Variants in PLPP4 observed in about 807,000 individuals in gnomAD.
The protein encoded by PLPP4 is phospholipid phosphatase 4.
In PLPP4, 20 loss-of-function variants were observed where a neutral mutation model predicts 32.2. That is an observed-to-expected ratio of 0.62 (90% CI 0.44 to 0.90). The LOEUF (loss-of-function observed/expected upper bound fraction) is 0.90. Ranked by LOEUF, PLPP4 falls within the 40% of genes least tolerant of loss-of-function variation. PLPP4 has a pLI of 0.00. For synonymous variants in PLPP4, 127 were observed against 133.0 expected (o/e 0.95, Z 0.31); for missense variants, 257 against 353.1 (o/e 0.73, Z 2.18).
chr10:120,546,962 A>T (rs375120471), intron 5 of PLPP4, among the ~76,000 whole-genome samples: 1 of 152,342 alleles, frequency 6.6e-6, no homozygotes, highest in East Asian at 1.9e-4. Flanking sequence ...ATGTGTATTG[A>T]TTCACAGGTG....
At chr10:120,480,487 T>C (rs4237520) in intron 1 of PLPP4, among the ~76,000 whole-genome samples, 113,440 of 152,022 alleles carry the variant, frequency 0.75, 43,235 homozygotes, top group East Asian at 0.92. Context: ...GCTAATATAT[T>C]GAATAATAGA....
chr10:120,566,393 T>G (rs143352386), intron 5 of PLPP4, among the ~76,000 whole-genome samples: 1 of 152,318 alleles, frequency 6.6e-6, no homozygotes, highest in African/African-American at 2.4e-5. Flanking sequence ...TAAGGTTTTT[T>G]GGAGACCATA....
intron 1 of PLPP4, among the ~76,000 whole-genome samples, chr10:120,457,969 C>A (rs995665066): frequency 3.3e-5 from 5 of 152,246 alleles, no homozygotes; most frequent in African/African-American, 1.2e-4. Flanking sequence ...GGTCGATGTC[C>A]GCTTTGGGGG....
chr10:120,493,186 T>G (rs901342604), intron 1 of PLPP4, among the ~76,000 whole-genome samples: 2 of 152,252 alleles, frequency 1.3e-5, no homozygotes, highest in Non-Finnish European at 2.9e-5. Context: ...ATATGTTTCA[T>G]TTTTGATTGT....
At chr10:120,498,362 A>G (rs1182849008) in intron 1 of PLPP4, among the ~76,000 whole-genome samples, 1 of 152,206 alleles carries the variant, frequency 6.6e-6, no homozygotes, top group East Asian at 1.9e-4. Flanking sequence ...GAGTTTATTG[A>G]TAACAATGAA....
At chr10:120,481,183 C>T (rs978289053) in intron 1 of PLPP4, among the ~76,000 whole-genome samples, 1 of 152,178 alleles carries the variant, frequency 6.6e-6, no homozygotes. Flanking sequence ...GGATCTTGTA[C>T]CCCTGTAGGC....
At chr10:120,562,082 A>G (rs1415098008) in intron 5 of PLPP4, among the ~76,000 whole-genome samples, 1 of 152,054 alleles carries the variant, frequency 6.6e-6, no homozygotes. Context: ...CATATGGTAT[A>G]TTTGTCTATT....
chr10:120,570,043 T>C (rs2134037496), intron 5 of PLPP4, among the ~76,000 whole-genome samples: 1 of 152,344 alleles, frequency 6.6e-6, no homozygotes, highest in South Asian at 2.1e-4. Context: ...TTCTCATTCA[T>C]AGAATGGCCT....
At chr10:120,463,595 T>C (rs1188763171) in intron 1 of PLPP4, among the ~76,000 whole-genome samples, 1 of 152,224 alleles carries the variant, frequency 6.6e-6, no homozygotes, top group Admixed American at 6.5e-5. Context: ...TTAATCCCTA[T>C]TGCATACATG....
chr10:120,456,969 C>T (rs1012491320), upstream of PLPP4: 1 of 154,588 alleles, frequency 6.5e-6, no homozygotes, highest in Admixed American at 6.6e-5. The surrounding 1 kb of genome is among the most constrained non-coding windows in gnomAD (Gnocchi z 4.1). Context: ...TTCCCCTCCC[C>T]GGTCCGCGGG....
intron 1 of PLPP4, among the ~76,000 whole-genome samples, chr10:120,465,342 C>T (rs187029186): frequency 5.7e-4 from 87 of 152,144 alleles, no homozygotes; most frequent in African/African-American, 2.0e-3. Context: ...ATGCCTGGGG[C>T]GAGTGAGAGG....
At chr10:120,526,527 T>C (rs895725152) in intron 5 of PLPP4, among the ~76,000 whole-genome samples, 1 of 152,138 alleles carries the variant, frequency 6.6e-6, no homozygotes, top group Admixed American at 6.5e-5. Context: ...TCCTGCCTGG[T>C]GTATGTGAAC....
intron 2 of PLPP4, among the ~76,000 whole-genome samples, chr10:120,507,289 A>C (rs1845531329): frequency 6.6e-6 from 1 of 152,140 alleles, no homozygotes; most frequent in South Asian, 2.1e-4. Context: ...TCTAATACAA[A>C]ATGGAATCTG....
chr10:120,546,470 G>A (rs1305562292), intron 5 of PLPP4, among the ~76,000 whole-genome samples: 2 of 152,032 alleles, frequency 1.3e-5, no homozygotes, highest in South Asian at 2.1e-4. Context: ...TTAATAACTC[G>A]CTGGGGAATT....
chr10:120,573,580 G>C (rs1849042445), intron 5 of PLPP4, among the ~76,000 whole-genome samples: 1 of 152,164 alleles, frequency 6.6e-6, no homozygotes, highest in Non-Finnish European at 1.5e-5. Flanking sequence ...CCATTACAAG[G>C]AAATGTCACA....
At chr10:120,527,015 G>T (rs1240115325) in intron 5 of PLPP4, among the ~76,000 whole-genome samples, 1 of 152,154 alleles carries the variant, frequency 6.6e-6, no homozygotes, top group Non-Finnish European at 1.5e-5. Context: ...CTCCGAGATG[G>T]AATGTGTGTT....
Position 120,478,207 on chromosome 10 carries a change from T to A in PLPP4, c.56+20846T>A, listed in dbSNP as rs114584985. 5.4e-3 allele frequency among the ~76,000 whole-genome samples: 819 copies of A among 152,186 alleles called. 8 individuals carry two copies. The highest frequency in any genetic ancestry group is 0.019 in the African/African-American group (785 of 41,516). On this transcript the variant is annotated intron_variant, in intron 1 of 6. Transcript: ENST00000398250. Reference sequence around the variant, plus strand: ...CTAAATGTCAGGACACATACCAAGGTTTTCCACGTTTTCATTTCTCATAGT... The same window carrying A: ...CTAAATGTCAGGACACATACCAAGGATTTCCACGTTTTCATTTCTCATAGT...
intron 6 of PLPP4, among the ~76,000 whole-genome samples, chr10:120,586,837 T>C (rs1849784993): frequency 6.7e-6 from 1 of 149,760 alleles, no homozygotes; most frequent in Admixed American, 6.6e-5. Context: ...ACTATTAACA[T>C]GTGTAACTGG....
intron 6 of PLPP4, among the ~76,000 whole-genome samples, chr10:120,581,916 G>C (rs902710214): frequency 2.0e-5 from 3 of 152,142 alleles, no homozygotes; most frequent in Non-Finnish European, 4.4e-5. Context: ...CTTTGTAAAG[G>C]GTCAGATATC....
Sources: allele counts gnomAD v4.1 joint callset (sites outside exome capture counted in the v4.1 genomes callset), GRCh38; gene constraint gnomAD v4.1.1; non-coding constraint Gnocchi (gnomAD v3.1); transcripts MANE v1.5; gene names NCBI Gene and HGNC (gene_info 2026-07-23, HGNC 2026-07-21).